Variants in FHIT observed in about 807,000 individuals in gnomAD.
FHIT encodes fragile histidine triad diadenosine triphosphatase.
Under a neutral mutation model 17.9 loss-of-function variants are expected in FHIT, and 19 were observed. That is an observed-to-expected ratio of 1.06 (90% CI 0.74 to 1.56). FHIT has a LOEUF of 1.56. Ranked by LOEUF, FHIT falls within the 40% of genes most tolerant of loss-of-function variation. The probability of loss-of-function intolerance (pLI) is 0.00; values close to 1 mark genes in which losing one functional copy is unlikely to be tolerated. For synonymous variants in FHIT, 81 were observed against 69.7 expected (o/e 1.16, Z -0.81); for missense variants, 248 against 189.2 (o/e 1.31, Z -1.82).
At chr3:60,242,261 G>T (rs184338066) in intron 5 of FHIT, among the ~76,000 whole-genome samples, 9 of 152,040 alleles carry the variant, frequency 5.9e-5, no homozygotes, top group Admixed American at 4.6e-4. Flanking sequence ...AAATAAAATT[G>T]ATATTTTGCT....
chr3:60,382,268 C>A (rs982965788), intron 5 of FHIT, among the ~76,000 whole-genome samples: 36 of 152,328 alleles, frequency 2.4e-4, no homozygotes, highest in African/African-American at 8.4e-4. Context: ...ATACACCAAA[C>A]ATGGCTCATA....
intron 3 of FHIT, among the ~76,000 whole-genome samples, chr3:61,033,170 T>C (rs1369657673): frequency 6.6e-6 from 1 of 152,232 alleles, no homozygotes; most frequent in Non-Finnish European, 1.5e-5. Flanking sequence ...CCAGGAATAA[T>C]GAGCATATCT....
At chr3:60,850,294 T>C (rs1703099823) in intron 3 of FHIT, among the ~76,000 whole-genome samples, 1 of 151,388 alleles carries the variant, frequency 6.6e-6, no homozygotes, top group Non-Finnish European at 1.5e-5. Flanking sequence ...TTTGTTGCCA[T>C]TTCCATGTTA....
intron 8 of FHIT, among the ~76,000 whole-genome samples, chr3:59,904,927 C>G (rs2107103825): frequency 6.6e-6 from 1 of 152,296 alleles, no homozygotes; most frequent in South Asian, 2.1e-4. Flanking sequence ...GTGGGCACAA[C>G]AGTGTAGAAA....
chr3:60,909,170 A>C (rs1706588035), intron 3 of FHIT, among the ~76,000 whole-genome samples: 1 of 152,038 alleles, frequency 6.6e-6, no homozygotes, highest in South Asian at 2.1e-4. Context: ...GGAGATCGAG[A>C]CCATCCTGCC....
At chr3:60,765,644 C>G (rs1459829549) in intron 4 of FHIT, 5 of 152,040 alleles carry the variant, frequency 3.3e-5, no homozygotes, top group African/African-American at 1.2e-4. Flanking sequence ...TATTAGGTGT[C>G]GACTAGATTG....
chr3:60,598,463 T>C (rs2038340384), intron 4 of FHIT, among the ~76,000 whole-genome samples: 1 of 152,156 alleles, frequency 6.6e-6, no homozygotes, highest in Non-Finnish European at 1.5e-5. Flanking sequence ...AATTAATTTG[T>C]GTTGAGTGTT....
chr3:60,303,385 C>G (rs530529693), intron 5 of FHIT, among the ~76,000 whole-genome samples: 1 of 152,266 alleles, frequency 6.6e-6, no homozygotes, highest in South Asian at 2.1e-4. Context: ...CTGCCTGTGA[C>G]ACAGTAAAGA....
intron 2 of FHIT, among the ~76,000 whole-genome samples, chr3:61,189,716 G>A (rs1483251511): frequency 7.2e-5 from 11 of 152,004 alleles, no homozygotes; most frequent in Non-Finnish European, 1.5e-4. Flanking sequence ...AAACAGCATG[G>A]TACTGGTACC....
chr3:60,957,233 C>CTTTTTTT (rs35221092), intron 3 of FHIT, among the ~76,000 whole-genome samples: 34 of 97,106 alleles, frequency 3.5e-4, no homozygotes, highest in Non-Finnish European at 5.2e-4. Flanking sequence ...TTCTTTCTTT[C>CTTTTTTT]TTTTTTTTTT....
At chr3:60,572,436 T>C (rs1232379945) in intron 4 of FHIT, among the ~76,000 whole-genome samples, 2 of 152,180 alleles carry the variant, frequency 1.3e-5, no homozygotes, top group Non-Finnish European at 2.9e-5. Flanking sequence ...CCCCTAGGCA[T>C]GTTTACAAAT....
intron 3 of FHIT, among the ~76,000 whole-genome samples, chr3:60,894,370 T>C (rs1553761429): frequency 1.3e-5 from 2 of 152,216 alleles, no homozygotes; most frequent in African/African-American, 4.8e-5. Context: ...AGGCATTCTA[T>C]GCTGCCTCAG....
At chr3:60,419,849 A>G (rs1024247620) in intron 5 of FHIT, among the ~76,000 whole-genome samples, 1 of 152,172 alleles carries the variant, frequency 6.6e-6, no homozygotes, top group Non-Finnish European at 1.5e-5. Context: ...TATCATCTAT[A>G]CTTTTTCTTC....
chr3:60,471,232 G>C (rs1019485131), intron 5 of FHIT, among the ~76,000 whole-genome samples: 1 of 152,190 alleles, frequency 6.6e-6, no homozygotes, highest in African/African-American at 2.4e-5. Flanking sequence ...TATCTTCTTA[G>C]GTCATGTGTA....
At chr3:60,066,369 T>C (rs1189940634) in intron 5 of FHIT, among the ~76,000 whole-genome samples, 1 of 152,200 alleles carries the variant, frequency 6.6e-6, no homozygotes, top group Non-Finnish European at 1.5e-5. Context: ...AATTAGGTTT[T>C]ATTGAAAGTG....
At chr3:60,048,546 G>A (rs972156569) in intron 5 of FHIT, among the ~76,000 whole-genome samples, 2 of 152,106 alleles carry the variant, frequency 1.3e-5, no homozygotes, top group South Asian at 2.1e-4. Flanking sequence ...TTAGGGCTTC[G>A]GTGTGAATTT....
At chr3:59,960,024 G>C (rs950528316) in intron 7 of FHIT, among the ~76,000 whole-genome samples, 4 of 152,180 alleles carry the variant, frequency 2.6e-5, no homozygotes, top group African/African-American at 9.6e-5. Context: ...ATGAGGGAAA[G>C]AGTGGTATGA....
chr3:60,747,073 C>A lies in FHIT; in HGVS notation c.-18+74846G>T, dbSNP rs571584836. ...TAGTTTACCTTACTGGTTTTATCTC[C>A]TGTGAATTCTCCTTTAAAACTAAGA... On this transcript the variant is annotated intron_variant, in intron 4 of 9. Coordinates refer to ENST00000492590, the MANE Select transcript of FHIT (RefSeq NM_002012.4). 2.0e-5 allele frequency among the ~76,000 whole-genome samples: 3 copies of A among 151,884 alleles called. No homozygotes were observed. In the East Asian group the frequency reaches 5.8e-4, roughly 29 times the overall value.
chr3:60,319,051 G>A (rs758402873), intron 5 of FHIT, among the ~76,000 whole-genome samples: 87 of 151,968 alleles, frequency 5.7e-4, no homozygotes, highest in Non-Finnish European at 1.0e-3. Flanking sequence ...AAGACACTAT[G>A]ACTACCCTGC....
Sources: allele counts gnomAD v4.1 joint callset (sites outside exome capture counted in the v4.1 genomes callset), GRCh38; gene constraint gnomAD v4.1.1; transcripts MANE v1.5; gene names NCBI Gene and HGNC (gene_info 2026-07-23, HGNC 2026-07-21).